The following ZRSR2 variants were observed in gnomAD, a reference collection of about 807,000 sequenced individuals.
The protein encoded by ZRSR2 is U2 small nuclear ribonucleoprotein auxiliary factor 35 kDa subunit-related protein 2.
Under a neutral mutation model 39.4 loss-of-function variants are expected in ZRSR2, and 3 were observed. The observed-to-expected ratio is 0.08, with a 90% CI of 0.03 to 0.20. The LOEUF (loss-of-function observed/expected upper bound fraction) is 0.20, where lower values mean the gene tolerates loss of function less well. ZRSR2 is among the 10% of genes least tolerant of loss of function. ZRSR2 has a pLI of 1.00. For missense variants in ZRSR2, 256 were observed against 391.5 expected (o/e 0.65, Z 2.92); for synonymous variants, 137 against 136.0 (o/e 1.01, Z -0.05).
intron 4 of ZRSR2, 106 bp downstream of exon 4, chrX:15,803,902 C>G: frequency 1.9e-6 from 2 of 1,035,226 alleles, no homozygotes; most frequent in Non-Finnish European, 2.6e-6. Context: ...GAGATCACGC[C>G]ATTGCACTCC....
intron 7 of ZRSR2, among the ~76,000 whole-genome samples, chrX:15,815,036 C>A (rs1450870593): frequency 8.9e-6 from 1 of 111,946 alleles, no homozygotes; most frequent in Non-Finnish European, 1.9e-5. Context: ...CATCCTGTCA[C>A]ACCAATCAGC....
intron 3 of ZRSR2, 52 bp from the exon 4 acceptor site, chrX:15,803,636 T>G: frequency 8.7e-7 from 1 of 1,155,409 alleles, no homozygotes; most frequent in Non-Finnish European, 1.2e-6. Context: ...TGTGTGTGTA[T>G]TTGTGGATTA....
intron 7 of ZRSR2, among the ~76,000 whole-genome samples, chrX:15,810,234 TTCAG>T (rs777680627): frequency 9.1e-6 from 1 of 110,433 alleles, no homozygotes; most frequent in Non-Finnish European, 1.9e-5. Context: ...TGTTGATCTC[TTCAG>T]TCATTTAGCA....
chrX:15,809,703 C>T (rs1347746400), intron 7 of ZRSR2, among the ~76,000 whole-genome samples: 1 of 111,895 alleles, frequency 8.9e-6, no homozygotes, highest in Admixed American at 9.5e-5. Context: ...CACACTGTCC[C>T]CAAAACAGGC....
At chrX:15,810,225 G>A (rs1932858361) in intron 7 of ZRSR2, among the ~76,000 whole-genome samples, 1 of 112,044 alleles carries the variant, frequency 8.9e-6, no homozygotes. Flanking sequence ...GAAACCTAGT[G>A]TTGATCTCTT....
intron 5 of ZRSR2, among the ~76,000 whole-genome samples, chrX:15,807,768 G>C (rs903408639): frequency 1.8e-5 from 2 of 110,052 alleles, no homozygotes; most frequent in African/African-American, 6.6e-5. Flanking sequence ...GGCCGGGCAC[G>C]GTAGCTCATG....
At chrX:15,810,652 C>G (rs1431590472) in intron 7 of ZRSR2, among the ~76,000 whole-genome samples, 1 of 108,388 alleles carries the variant, frequency 9.2e-6, no homozygotes, top group African/African-American at 3.4e-5. Flanking sequence ...ACAGTGGTTC[C>G]CAACCCTGGA....
intron 10 of ZRSR2, among the ~76,000 whole-genome samples, chrX:15,820,873 G>A (rs757646649): frequency 1.8e-5 from 2 of 111,683 alleles, no homozygotes; most frequent in Non-Finnish European, 3.8e-5. Context: ...GACTGACATC[G>A]GACAGTGGCA....
intron 2 of ZRSR2, 59 bp downstream of exon 2, chrX:15,791,072 T>C: frequency 9.6e-7 from 1 of 1,040,176 alleles, no homozygotes; most frequent in Non-Finnish European, 1.3e-6. Flanking sequence ...ACTCCAGCCC[T>C]AACTTGAAGC....
At chrX:15,809,026 C>T (rs754396006) in intron 6 of ZRSR2, among the ~76,000 whole-genome samples, 174 bp from the exon 7 acceptor site, 1 of 112,244 alleles carries the variant, frequency 8.9e-6, no homozygotes, top group South Asian at 3.7e-4. Context: ...AGACATGGAG[C>T]TCATGTCTCA....
At chrX:15,813,950 A>G (rs907806825) in intron 7 of ZRSR2, among the ~76,000 whole-genome samples, 3 of 110,885 alleles carry the variant, frequency 2.7e-5, no homozygotes, top group Non-Finnish European at 3.8e-5. Context: ...GTGCTTAGAT[A>G]GACATTACAG....
In ZRSR2 at chrX:15,805,158, G is replaced by A. The variant is rs186526465; in HGVS notation, c.399+961G>A. ...AATATGGGGCAGAAGCAGCCTCCAC[G>A]ATCTTTGTTTTTTGTATCTTAGGCC... is the stretch of plus-strand genomic sequence containing the variant. On this transcript the variant is annotated intron_variant, in intron 5 of 10. Coordinates refer to ENST00000307771, the MANE Select transcript of ZRSR2 (RefSeq NM_005089.4). Among the ~76,000 whole-genome samples the A allele has an allele frequency of 1.6e-3, 183 of 112,197 alleles. 1 individual carries two copies. Among genetic ancestry groups the A allele is most frequent in the African/African-American group, 5.8e-3 (178 of 30,920 alleles).
intron 3 of ZRSR2, among the ~76,000 whole-genome samples, chrX:15,803,415 T>G (rs749264343): frequency 9.8e-5 from 11 of 111,977 alleles, no homozygotes; most frequent in Non-Finnish European, 2.1e-4. Context: ...CATAGTGTCC[T>G]TTTTTCTGTA....
intron 6 of ZRSR2, among the ~76,000 whole-genome samples, 199 bp downstream of exon 6, chrX:15,808,470 G>A (rs142908469): frequency 2.5e-3 from 278 of 111,146 alleles, no homozygotes; most frequent in African/African-American, 8.6e-3. Context: ...TGACCCCTGT[G>A]GACTGGACCT....
rs755481947 is a variant in ZRSR2 at position 15,820,086 on chromosome X, G to A, written c.828-121G>A. On this transcript the variant is annotated intron_variant, in intron 9 of 10. Coordinates refer to ENST00000307771, the MANE Select transcript of ZRSR2 (RefSeq NM_005089.4). ...GACCATTTTAATGACTCTTCCCTAG[G>A]TACAAAATCAGTGAACTTGGTGGTC... 2.8e-5 allele frequency: 18 copies of A among 631,772 alleles called. No individual in the cohort carries two copies. In the East Asian group the frequency reaches 4.7e-4, roughly 17 times the overall value. The allele number at this position is 631,772 out of a possible 1,213,427, so 52.1% of individuals were successfully genotyped here.
At chrX:15,805,880 A>G (rs1473952109) in intron 5 of ZRSR2, among the ~76,000 whole-genome samples, 1 of 106,782 alleles carries the variant, frequency 9.4e-6, no homozygotes, top group Non-Finnish European at 1.9e-5. Flanking sequence ...CAGTGAGCCA[A>G]GCTTGAGCCA....
At chrX:15,804,874 AT>A (rs1166304176) in intron 5 of ZRSR2, among the ~76,000 whole-genome samples, 3 of 68,121 alleles carry the variant, frequency 4.4e-5, no homozygotes, top group African/African-American at 2.0e-4. Flanking sequence ...ACAGTTGCTT[AT>A]TTAAAAAAAA....
At chrX:15,795,439 T>G (rs1414612513) in intron 2 of ZRSR2, among the ~76,000 whole-genome samples, 1 of 111,445 alleles carries the variant, frequency 9.0e-6, no homozygotes, top group Non-Finnish European at 1.9e-5. Flanking sequence ...ACACCTTCAG[T>G]GTTGAACTCA....
At chrX:15,810,541 T>G (rs1932863075) in intron 7 of ZRSR2, among the ~76,000 whole-genome samples, 1 of 111,686 alleles carries the variant, frequency 9.0e-6, no homozygotes, top group African/African-American at 3.2e-5. Flanking sequence ...GCTGTGAGGT[T>G]TTTTTCCTTC....
Sources: allele counts gnomAD v4.1 joint callset (sites outside exome capture counted in the v4.1 genomes callset), GRCh38; gene constraint gnomAD v4.1.1; transcripts MANE v1.5; gene names NCBI Gene and HGNC (gene_info 2026-07-23, HGNC 2026-07-21).